The following CFAP68 variants were observed in gnomAD, a reference collection of about 807,000 sequenced individuals.
The protein encoded by CFAP68 is cilia- and flagella-associated protein 68.
the CFAP68 span, chr11:111,881,721 A>G: frequency 8.6e-6 from 11 of 1,272,688 alleles, no homozygotes; most frequent in African/African-American, 9.0e-5. Context: ...ATCATCTGGT[A>G]TATGCAATCC....
the CFAP68 span, chr11:111,881,762 G>A: frequency 7.1e-6 from 7 of 988,238 alleles, no homozygotes; most frequent in Non-Finnish European, 5.8e-6. Context: ...CAGAAGGACA[G>A]GGTACAATAA....
At chr11:111,885,604 G>C in the CFAP68 span, 1 of 152,146 alleles carries the variant, frequency 6.6e-6, no homozygotes, top group African/African-American at 2.4e-5. Flanking sequence ...GTTGTGAATA[G>C]CTTAGGTTTG....
At chr11:111,885,807 T>C in the CFAP68 span, 9 of 152,190 alleles carry the variant, frequency 5.9e-5, no homozygotes, top group Admixed American at 5.9e-4. Context: ...TTTGTTACTT[T>C]AGTTTCGAGA....
At chr11:111,882,584 C>A in the CFAP68 span, 3 of 1,575,006 alleles carry the variant, frequency 1.9e-6, no homozygotes, top group East Asian at 6.8e-5. Context: ...GCAGCCCAAA[C>A]CCTTGCCTTC....
chr11:111,883,808 A>G, the CFAP68 span: 4 of 1,613,680 alleles, frequency 2.5e-6, no homozygotes, highest in African/African-American at 1.3e-5. Context: ...CAGGACATCA[A>G]CCTGAACTGG....
chr11:111,879,623 C>G, the CFAP68 span: 3 of 1,609,122 alleles, frequency 1.9e-6, no homozygotes, highest in East Asian at 4.5e-5. Context: ...AATCTCCTAT[C>G]TTCTATTCGT....
the CFAP68 span, among the ~76,000 whole-genome samples, chr11:111,880,483 C>T: frequency 1.1e-4 from 16 of 152,176 alleles, no homozygotes; most frequent in Non-Finnish European, 2.2e-4. Flanking sequence ...CTAAAATCCA[C>T]CAAAACCGAG....
the CFAP68 span, chr11:111,883,329 C>G: frequency 1.3e-6 from 1 of 770,026 alleles, no homozygotes; most frequent in Admixed American, 2.5e-5. Context: ...GTGGCTCACA[C>G]CTGTAACCCC....
the CFAP68 span, chr11:111,880,660 A>T: frequency 2.5e-6 from 1 of 396,056 alleles, no homozygotes; most frequent in Non-Finnish European, 5.1e-6. Context: ...AACCATAAAA[A>T]TGGGCAACCA....
the CFAP68 span, chr11:111,882,223 A>G: frequency 3.0e-6 from 2 of 673,860 alleles, no homozygotes; most frequent in Non-Finnish European, 4.9e-6. Flanking sequence ...GACTTAGAGA[A>G]GAAGAAACAG....
chr11:111,881,490 G>C, the CFAP68 span: 46 of 1,536,038 alleles, frequency 3.0e-5, no homozygotes, highest in South Asian at 5.5e-4. Context: ...TGGAGAACTG[G>C]GAAAGCCAGG....
At chr11:111,883,917 A>C in the CFAP68 span, 1 of 1,377,792 alleles carries the variant, frequency 7.3e-7, no homozygotes, top group Non-Finnish European at 1.0e-6. Flanking sequence ...AGATCTTAAT[A>C]TTGACTAGTT....
At chr11:111,883,936 A>G in the CFAP68 span, 1 of 1,246,566 alleles carries the variant, frequency 8.0e-7, no homozygotes, top group Non-Finnish European at 1.2e-6. Flanking sequence ...TTTCACATCC[A>G]GGTTTCTAAG....
At chr11:111,882,358 C>G in the CFAP68 span, 8 of 1,607,274 alleles carry the variant, frequency 5.0e-6, no homozygotes, top group Non-Finnish European at 6.0e-6. Context: ...CTATTCTTGT[C>G]TTTTCCCAGA....
the CFAP68 span, chr11:111,883,859 G>C: frequency 3.1e-6 from 5 of 1,607,026 alleles, no homozygotes; most frequent in Non-Finnish European, 4.3e-6. Flanking sequence ...CAACTTACAT[G>C]AATAGCTATT....
the CFAP68 span, chr11:111,883,333 TAACCCCAGC>T: frequency 6.7e-6 from 5 of 749,842 alleles, no homozygotes; most frequent in Non-Finnish European, 8.8e-6. Context: ...CTCACACCTG[TAACCCCAGC>T]ACTTTGTGAG....
the CFAP68 span, chr11:111,880,691 G>A: frequency 2.2e-6 from 1 of 447,534 alleles, no homozygotes; most frequent in African/African-American, 2.0e-5. Flanking sequence ...GGGTTGCTCT[G>A]CATATGGAGT....
the CFAP68 span, chr11:111,882,362 T>C: frequency 6.2e-7 from 1 of 1,609,040 alleles, no homozygotes; most frequent in Non-Finnish European, 8.5e-7. Context: ...TCTTGTCTTT[T>C]CCCAGAGACA....
At chr11:111,880,407 T>G in the CFAP68 span, among the ~76,000 whole-genome samples, 5 of 152,192 alleles carry the variant, frequency 3.3e-5, no homozygotes, top group Non-Finnish European at 5.9e-5. Context: ...CAGGATGAGA[T>G]AGCTCAGCAC....
Sources: gnomAD v4.1 joint callset for allele counts (sites outside exome capture counted in the v4.1 genomes callset) on GRCh38, gnomAD v4.1.1 for gene constraint, MANE v1.5 for transcripts, NCBI Gene and HGNC (gene_info 2026-07-23, HGNC 2026-07-21) for gene names.